NRDE2: variants seen among roughly 807,000 people sequenced by gnomAD.
NRDE2 encodes the protein NRDE-2, necessary for RNA interference, domain containing.
NRDE2 carries 76 observed loss-of-function variants against 124.2 expected under a neutral mutation model. The ratio of observed to expected loss-of-function variants is 0.61; its 90% CI spans 0.51 to 0.74. NRDE2 has a LOEUF of 0.74. Among genes scored for constraint, NRDE2 ranks in the 30% least tolerant of loss-of-function variants. NRDE2 has a pLI of 0.00. For missense variants in NRDE2, 1,314 were observed against 1,417.3 expected (o/e 0.93, Z 1.17); for synonymous variants, 489 against 528.1 (o/e 0.93, Z 1.01).
At chr14:90,307,652 G>A (rs1452102180) in intron 4 of NRDE2, among the ~76,000 whole-genome samples, 1 of 152,130 alleles carries the variant, frequency 6.6e-6, no homozygotes, top group Non-Finnish European at 1.5e-5. Flanking sequence ...AAGGTGGGCG[G>A]ATCACAAGGT....
At chr14:90,296,804 A>C (rs1884177876) in intron 8 of NRDE2, among the ~76,000 whole-genome samples, 1 of 152,142 alleles carries the variant, frequency 6.6e-6, no homozygotes, top group African/African-American at 2.4e-5. Flanking sequence ...TGTGCTGTCC[A>C]ATACGTCACC....
At chr14:90,305,113 C>G (rs1280218216) in intron 4 of NRDE2, among the ~76,000 whole-genome samples, 1 of 151,516 alleles carries the variant, frequency 6.6e-6, no homozygotes, top group Non-Finnish European at 1.5e-5. Context: ...AAGATCTGAA[C>G]TGAAATTCCA....
chr14:90,297,729 TTTGAGACCA>T (rs1378007003), intron 8 of NRDE2, among the ~76,000 whole-genome samples: 4 of 151,774 alleles, frequency 2.6e-5, no homozygotes, highest in Non-Finnish European at 5.9e-5. Flanking sequence ...AGGTCAGGTG[TTTGAGACCA>T]GAGAGACCAG....
rs1885053909 is a variant in NRDE2 at position 90,316,571 on chromosome 14, A to C, written c.407+7T>G. 2.5e-6 allele frequency: 4 copies of C among 1,591,260 alleles called. No homozygotes were observed. In the South Asian group the frequency reaches 3.4e-5, roughly 13 times the overall value. ...AATATCATAGGTGCTTGAGAACAGC[A>C]ACCTACTTCGGTTCCTCAGATTCCT... On this transcript the variant is annotated splice_region_variant and intron_variant, in intron 3 of 13. Coordinates refer to ENST00000354366, the MANE Select transcript of NRDE2 (RefSeq NM_017970.4).
At chr14:90,278,653 A>G (rs1891867859) in intron 13 of NRDE2, 192 bp from the exon 14 acceptor site, 7 of 629,038 alleles carry the variant, frequency 1.1e-5, no homozygotes, top group East Asian at 2.8e-5. Context: ...TGAACTCGCA[A>G]AAGTGAGCAA....
Position 90,312,905 on chromosome 14 carries a change from A to G in NRDE2, c.408-362T>C, listed in dbSNP as rs577004180. Among the ~76,000 whole-genome samples, 4 of 152,306 alleles carry G rather than the reference A, an allele frequency of 2.6e-5. No individual in the cohort carries two copies. In the South Asian group the frequency reaches 8.3e-4, roughly 32 times the overall value. On this transcript the variant is annotated intron_variant, in intron 3 of 13. Coordinates refer to ENST00000354366, the MANE Select transcript of NRDE2 (RefSeq NM_017970.4). ...TATTTATAAACAAGGTCTTTTCCTA[A>G]AAAGTATTCCTGCTCTGAGGCACCT...
chr14:90,327,488 G>A (rs966827741), intron 1 of NRDE2, among the ~76,000 whole-genome samples: 3 of 151,876 alleles, frequency 2.0e-5, no homozygotes, highest in African/African-American at 7.3e-5. Flanking sequence ...ATTGGAGATT[G>A]TAGTGAGCTG....
chr14:90,302,409 G>A (rs1884437032), intron 6 of NRDE2, among the ~76,000 whole-genome samples: 2 of 152,126 alleles, frequency 1.3e-5, no homozygotes, highest in African/African-American at 2.4e-5. Flanking sequence ...GGTGAGACAG[G>A]TACATGCATC....
intron 1 of NRDE2, among the ~76,000 whole-genome samples, chr14:90,322,849 T>C (rs1309353851): frequency 6.6e-6 from 1 of 152,236 alleles, no homozygotes; most frequent in Non-Finnish European, 1.5e-5. Flanking sequence ...TTTTCAACAG[T>C]TACATCCTCA....
Position 90,286,429 on chromosome 14 carries a change from G to C in NRDE2, c.3222C>G (p.Ala1074=), listed in dbSNP as rs1249627108. The C allele has an allele frequency of 1.2e-6, 2 of 1,614,030 alleles. No individual in the cohort carries two copies. Among genetic ancestry groups the C allele is most frequent in the East Asian group, 4.5e-5 (2 of 44,892 alleles). ...CGCTGCGCATGGCATTTTCAAACAGGGCTTGGATCCGATGCATTAAGCCGG... is the reference window on the plus strand; with the variant it reads ...CGCTGCGCATGGCATTTTCAAACAGCGCTTGGATCCGATGCATTAAGCCGG... ...PETGLMHRIQ[A]LFENAMRSDS... Residue 1074 remains alanine, a synonymous_variant, in exon 12 of 14, where the codon GCC becomes GCG. Transcript: ENST00000354366.
chr14:90,294,471 T>G (rs1409521088), intron 8 of NRDE2, among the ~76,000 whole-genome samples: 1 of 152,010 alleles, frequency 6.6e-6, no homozygotes, highest in Admixed American at 6.6e-5. Context: ...CATTGACAAA[T>G]GGATGGTATA....
At chr14:90,290,713 TA>T (rs1208806790) in intron 9 of NRDE2, 106 bp from the exon 10 acceptor site, 1 of 1,313,446 alleles carries the variant, frequency 7.6e-7, no homozygotes, top group Non-Finnish European at 1.0e-6. Flanking sequence ...TTATTCAAAT[TA>T]AATCAATTTT....
At chr14:90,312,629 T>A (rs2139701635) in intron 3 of NRDE2, 86 bp from the exon 4 acceptor site, 2 of 1,321,056 alleles carry the variant, frequency 1.5e-6, no homozygotes, top group East Asian at 4.6e-5. Context: ...AATATGAGAG[T>A]TAAACACTTC....
In NRDE2 at chr14:90,274,838, ACC is replaced by A. The variant is rs1206866308; in HGVS notation, c.*3496_*3497del. 3 of 67,220 alleles carry A rather than the reference ACC, an allele frequency of 4.5e-5. No homozygotes were observed. The highest frequency in any genetic ancestry group is 1.2e-4 in the African/African-American group (2 of 16,362). 4.2% of individuals were successfully genotyped at this position (67,220 alleles called of 1,614,324 possible). On this transcript the variant is annotated 3_prime_UTR_variant, in exon 14 of 14. Transcript: ENST00000354366. The stretch of plus-strand genomic sequence containing the variant: ...CACACACACACACACACACACACAC[ACC>A]CCAATACATATGAATTGATCTGAAA...
chr14:90,298,236 C>T (rs761286681), intron 8 of NRDE2, 24 bp downstream of exon 8: 27 of 1,610,518 alleles, frequency 1.7e-5, no homozygotes, highest in Middle Eastern at 1.6e-4. Flanking sequence ...CAGAAGTACA[C>T]GTCTTCAATG....
chr14:90,295,907 G>A (rs1182837813), intron 8 of NRDE2, among the ~76,000 whole-genome samples: 4 of 152,224 alleles, frequency 2.6e-5, no homozygotes, highest in African/African-American at 9.6e-5. Context: ...GAAGCTTGCA[G>A]AGAATGTAAG....
rs1891769872 is a variant in NRDE2 at position 90,274,872 on chromosome 14, TGAGG to T, written c.*3460_*3463del. On this transcript the variant is annotated 3_prime_UTR_variant, in exon 14 of 14. Coordinates refer to ENST00000354366, the MANE Select transcript of NRDE2 (RefSeq NM_017970.4). ...CATATGAATTGATCTGAAAGTTTGCTGAGGAAGGGGTATTTACAGATTTTGAGAG... is the reference window on the plus strand; with the variant it reads ...CATATGAATTGATCTGAAAGTTTGCTAAGGGGTATTTACAGATTTTGAGAG... The T allele has an allele frequency of 6.7e-6, 1 of 149,422 alleles. No homozygotes were observed. Among genetic ancestry groups the T allele is most frequent in the African/African-American group, 2.5e-5 (1 of 40,428 alleles). 9.3% of individuals were successfully genotyped at this position (149,422 alleles called of 1,614,324 possible).
Position 90,269,156 on chromosome 14 carries a change from G to A in NRDE2, c.*9180C>T, listed in dbSNP as rs1891596307. 1 of 473,952 alleles carries A rather than the reference G, an allele frequency of 2.1e-6. No homozygotes were observed. The highest frequency in any genetic ancestry group is 3.8e-6 in the Non-Finnish European group (1 of 266,250). The allele number at this position is 473,952 out of a possible 1,614,324, so 29.4% of individuals were successfully genotyped here. ...CTCATGCCTTTAGCCCTTTCCAAAAGGCCTCATCTCTTAGCCACACAGTAG... is the reference window on the plus strand; with the variant it reads ...CTCATGCCTTTAGCCCTTTCCAAAAAGCCTCATCTCTTAGCCACACAGTAG... On this transcript the variant is annotated 3_prime_UTR_variant, in exon 14 of 14. Transcript: ENST00000354366.
In NRDE2 at chr14:90,316,704, T is replaced by G. The variant is rs767616214; in HGVS notation, c.281A>C (p.His94Pro). 6.2e-7 allele frequency: 1 copy of G among 1,614,034 alleles called. No individual in the cohort carries two copies. Among genetic ancestry groups the G allele is most frequent in the Admixed American group, 1.7e-5 (1 of 60,012 alleles). Residue 94 changes from histidine (H) to proline (P), a missense_variant, in exon 3 of 14, where the codon CAT (histidine) becomes CCT (proline). Physicochemically the swap from His to Pro is moderately conservative, Grantham distance 77. Transcript: ENST00000354366. ...KEKKKKRKHQHHKKTKRKHGP... is the reference protein window; with the variant it reads ...KEKKKKRKHQPHKKTKRKHGP... ...ATGCTTCCTCTTTGTTTTCTTATGA[T>G]GCTGATGCTTCCTTTTTTTCTTTTT...
Sources: gnomAD v4.1 joint callset for allele counts (sites outside exome capture counted in the v4.1 genomes callset) on GRCh38, gnomAD v4.1.1 for gene constraint, MANE v1.5 for transcripts, NCBI Gene and HGNC (gene_info 2026-07-23, HGNC 2026-07-21) for gene names.